PKHD1: variants seen among roughly 807,000 people sequenced by gnomAD.
The protein encoded by PKHD1 is fibrocystin.
In PKHD1, 291 loss-of-function variants were observed where a neutral mutation model predicts 412.0. The ratio of observed to expected loss-of-function variants is 0.71; its 90% CI spans 0.64 to 0.78. PKHD1 has a LOEUF of 0.78. PKHD1 is among the 30% of genes least tolerant of loss of function. The probability of loss-of-function intolerance (pLI) is 0.00; values close to 1 mark genes in which losing one functional copy is unlikely to be tolerated. For synonymous variants in PKHD1, 1,777 were observed against 1,821.5 expected, an observed-to-expected ratio of 0.98 and a Z score of 0.62; for missense variants, 4,825 against 4,950.7, an observed-to-expected ratio of 0.97 and a Z score of 0.76.
In PKHD1 at chr6:51,748,606, C is replaced by T. The variant is rs1261741532; in HGVS notation, c.9010G>A (p.Val3004Ile). The part of the protein sequence containing the change: ...QNFGSPLYSS[V>I]EFSNVSAGSW... ...CCTGCTGACACATTACTGAATTCAA[C>T]AGATGAGTACAATGGTGACCCGAAG... The change falls in exon 58 of 67, where the codon GTT (valine) becomes ATT (isoleucine). Residue 3004 changes from valine to isoleucine, a missense_variant. By Grantham distance (29) the Val-to-Ile change is conservative (BLOSUM62 3). Coordinates refer to ENST00000371117, the MANE Select transcript of PKHD1 (RefSeq NM_138694.4). 1.2e-6 allele frequency: 2 copies of T among 1,613,704 alleles called. No individual in the cohort carries two copies. Among genetic ancestry groups the T allele is most frequent in the Admixed American group, 3.3e-5 (2 of 59,992 alleles).
intron 50 of PKHD1, among the ~76,000 whole-genome samples, chr6:51,845,714 A>G (rs570712232): frequency 1.6e-4 from 25 of 152,338 alleles, no homozygotes; most frequent in Non-Finnish European, 3.5e-4. Context: ...ACTTACACAG[A>G]TGTGCATTTA....
In PKHD1 at chr6:51,748,011, T is replaced by C; in HGVS notation, c.9605A>G (p.Asn3202Ser). The C allele has an allele frequency of 6.2e-7, 1 of 1,614,064 alleles. No homozygotes were observed. The highest frequency in any genetic ancestry group is 1.1e-5 in the South Asian group (1 of 91,078). ...SVKKVQIVLR[N>S]SVIVATSSSF... ...AGAGCTGGTGGCCACAATGACTGAA[T>C]TCCTAAGCACAATCTGCACTTTTTT... Residue 3202 changes from asparagine (N) to serine (S), a missense_variant, in exon 58 of 67, where the codon AAT becomes AGT. By Grantham distance (46) the Asn-to-Ser change is conservative (BLOSUM62 1). Coordinates refer to ENST00000371117, the MANE Select transcript of PKHD1 (RefSeq NM_138694.4).
At chr6:51,883,682 T>C (rs1193152654) in intron 45 of PKHD1, among the ~76,000 whole-genome samples, 1 of 152,216 alleles carries the variant, frequency 6.6e-6, no homozygotes, top group Non-Finnish European at 1.5e-5. Flanking sequence ...ACATAAGTTA[T>C]GTACATATAT....
intron 60 of PKHD1, among the ~76,000 whole-genome samples, chr6:51,689,323 A>T (rs1308189183): frequency 6.6e-6 from 1 of 152,212 alleles, no homozygotes; most frequent in Non-Finnish European, 1.5e-5. Flanking sequence ...CTCTCAATAA[A>T]CTAATTATTG....
At chr6:51,843,832 G>C (rs1770664682) in intron 50 of PKHD1, among the ~76,000 whole-genome samples, 1 of 152,206 alleles carries the variant, frequency 6.6e-6, no homozygotes, top group African/African-American at 2.4e-5. Flanking sequence ...GCTTTAGAAA[G>C]GCAACATGAA....
chr6:51,977,897 G>A (rs552032215), intron 35 of PKHD1, among the ~76,000 whole-genome samples: 5 of 152,118 alleles, frequency 3.3e-5, no homozygotes, highest in African/African-American at 1.2e-4. Context: ...CCCACCAAAG[G>A]GAACAAGCTG....
chr6:52,037,656 T>C (rs1046093958), intron 27 of PKHD1, among the ~76,000 whole-genome samples: 2 of 152,164 alleles, frequency 1.3e-5, no homozygotes, highest in African/African-American at 4.8e-5. Flanking sequence ...TCCTATAAAA[T>C]AGGTAAGTGT....
chr6:51,789,832 T>C (rs902121668), intron 53 of PKHD1, among the ~76,000 whole-genome samples: 10 of 152,298 alleles, frequency 6.6e-5, no homozygotes, highest in African/African-American at 1.9e-4. Context: ...TGAAGGGCTA[T>C]AGAATTAAAA....
Position 51,830,862 on chromosome 6 carries a change from G to A in PKHD1, c.8301C>T (p.Pro2767=). 1 of 1,612,378 alleles carries A rather than the reference G, an allele frequency of 6.2e-7. No individual in the cohort carries two copies. The highest frequency in any genetic ancestry group is 1.1e-5 in the South Asian group (1 of 91,054). The change falls in exon 52 of 67, where the codon CCC becomes CCT. Residue 2767 remains proline (P), a splice_region_variant and synonymous_variant. Transcript: ENST00000371117. The part of the protein sequence containing the change: ...PGPGDDVLIL[P]NRTVLVDTDL... ...CATCTCTTGGGTAGTTTTACTCACT[G>A]GGTAAAATGAGAACGTCATCCCCAG...
chr6:51,966,088 G>A (rs1792761224), intron 35 of PKHD1, among the ~76,000 whole-genome samples: 1 of 152,096 alleles, frequency 6.6e-6, no homozygotes. Flanking sequence ...TGTAAACCCT[G>A]AATATCTGAG....
At chr6:52,067,090 A>C (rs1432639770) in intron 11 of PKHD1, among the ~76,000 whole-genome samples, 6 of 152,120 alleles carry the variant, frequency 3.9e-5, no homozygotes, top group Admixed American at 3.9e-4. Flanking sequence ...GCTAATGATG[A>C]ATGGTTACCC....
At chr6:51,740,016 T>C (rs201863217) in intron 60 of PKHD1, 2 of 519,002 alleles carry the variant, frequency 3.9e-6, no homozygotes, top group Non-Finnish European at 7.7e-6. Context: ...AATGCTTTGT[T>C]CTTCTAAATG....
chr6:51,966,359 G>C (rs941159329), intron 35 of PKHD1, among the ~76,000 whole-genome samples: 1 of 152,156 alleles, frequency 6.6e-6, no homozygotes, highest in African/African-American at 2.4e-5. Context: ...TTAAGTTTCT[G>C]ATTAGCTTTT....
intron 35 of PKHD1, among the ~76,000 whole-genome samples, chr6:51,998,895 C>A (rs1452090948): frequency 6.6e-6 from 1 of 152,144 alleles, no homozygotes; most frequent in Non-Finnish European, 1.5e-5. Context: ...GAGATACAAC[C>A]AGAAAGGGAC....
intron 60 of PKHD1, among the ~76,000 whole-genome samples, chr6:51,675,886 G>C (rs1207651757): frequency 6.6e-6 from 1 of 152,180 alleles, no homozygotes; most frequent in Non-Finnish European, 1.5e-5. Context: ...AGATTAAGCA[G>C]GTTGTATTTG....
intron 34 of PKHD1, among the ~76,000 whole-genome samples, chr6:52,014,588 A>G (rs1166855052): frequency 2.1e-5 from 3 of 143,768 alleles, no homozygotes; most frequent in Non-Finnish European, 4.5e-5. Context: ...TGGATGGATG[A>G]ATGGATGGGT....
At chr6:51,738,476 G>T (rs750013286) in intron 60 of PKHD1, among the ~76,000 whole-genome samples, 1 of 152,110 alleles carries the variant, frequency 6.6e-6, no homozygotes, top group African/African-American at 2.4e-5. Context: ...TTGTAGTCAC[G>T]ATTTTTGCTA....
At chr6:51,703,505 C>A (rs1437896139) in intron 60 of PKHD1, among the ~76,000 whole-genome samples, 1 of 151,778 alleles carries the variant, frequency 6.6e-6, no homozygotes, top group South Asian at 2.1e-4. Context: ...TGAGGATTGA[C>A]AAAAAACAAA....
chr6:51,940,200 G>T (rs977102654), intron 36 of PKHD1, among the ~76,000 whole-genome samples: 1 of 151,448 alleles, frequency 6.6e-6, no homozygotes, highest in Non-Finnish European at 1.5e-5. Flanking sequence ...TACCCAATCC[G>T]CTCCTGACAT....
Sources: allele counts gnomAD v4.1 joint callset (sites outside exome capture counted in the v4.1 genomes callset), GRCh38; gene constraint gnomAD v4.1.1; transcripts MANE v1.5; gene names NCBI Gene and HGNC (gene_info 2026-07-23, HGNC 2026-07-21).